The following POU6F1 variants were observed in gnomAD, a reference collection of about 807,000 sequenced individuals.
The protein encoded by POU6F1 is POU domain, class 6, transcription factor 1.
POU6F1 carries 9 observed loss-of-function variants against 28.9 expected under a neutral mutation model. The observed-to-expected ratio is 0.31, with a 90% CI of 0.19 to 0.54. The LOEUF is 0.54. Among genes scored for constraint, POU6F1 ranks in the 20% least tolerant of loss-of-function variants. The pLI, the probability that POU6F1 is intolerant of heterozygous loss-of-function variation, is 0.94. For missense variants in POU6F1, 338 were observed against 426.1 expected, an observed-to-expected ratio of 0.79 and a Z score of 1.82; for synonymous variants, 173 against 171.1, an observed-to-expected ratio of 1.01 and a Z score of -0.09.
chr12:51,201,861 T>C (rs201488462), intron 3 of POU6F1: 1 of 34,334 alleles, frequency 2.9e-5, no homozygotes, highest in East Asian at 3.0e-4. Context: ...TATAGTTGTT[T>C]TTTTTTTTTT....
chr12:51,192,182 TG>T, intron 9 of POU6F1, 147 bp downstream of exon 9: 1 of 1,189,156 alleles, frequency 8.4e-7, no homozygotes, highest in Non-Finnish European at 1.2e-6. Context: ...TCAACAGGAA[TG>T]GGAATAAAAA....
intron 2 of POU6F1, among the ~76,000 whole-genome samples, chr12:51,205,200 C>G (rs368768719): frequency 1.3e-5 from 2 of 151,926 alleles, no homozygotes; most frequent in Non-Finnish European, 2.9e-5. Flanking sequence ...CCACCACGCC[C>G]GGCTAATTTT....
At chr12:51,207,988 A>C (rs888786963) in intron 1 of POU6F1, among the ~76,000 whole-genome samples, 5 of 152,126 alleles carry the variant, frequency 3.3e-5, no homozygotes, top group Non-Finnish European at 7.4e-5. Context: ...AATAAAGAAA[A>C]TAGGTTGGGC....
At chr12:51,195,830 T>C in intron 8 of POU6F1, 140 bp downstream of exon 8, 2 of 997,516 alleles carry the variant, frequency 2.0e-6, no homozygotes, top group Non-Finnish European at 2.9e-6. Flanking sequence ...CCTTCTACTC[T>C]GGGACCTCCC....
intron 1 of POU6F1, among the ~76,000 whole-genome samples, chr12:51,209,628 C>T (rs1167466177): frequency 1.3e-5 from 2 of 152,124 alleles, no homozygotes; most frequent in Non-Finnish European, 2.9e-5. Context: ...GCTTCCAATT[C>T]TTTGGGTATA....
At chr12:51,205,284 C>A (rs1943514524) in intron 2 of POU6F1, among the ~76,000 whole-genome samples, 1 of 152,128 alleles carries the variant, frequency 6.6e-6, no homozygotes, top group South Asian at 2.1e-4. Flanking sequence ...TCGTGATCCG[C>A]CCACCTCGGC....
chr12:51,214,086 G>T (rs1427625555), intron 1 of POU6F1, among the ~76,000 whole-genome samples: 1 of 151,868 alleles, frequency 6.6e-6, no homozygotes, highest in Admixed American at 6.6e-5. Flanking sequence ...AGGTTGCAGT[G>T]AGCCGAGATC....
rs1209714794 is a variant in POU6F1, at chr12:51,196,814, G to A, written c.960C>T (p.Thr320=). The A allele has an allele frequency of 1.2e-6, 2 of 1,613,990 alleles. No individual in the cohort carries two copies. Among genetic ancestry groups the A allele is most frequent in the Non-Finnish European group, 1.7e-6 (2 of 1,179,924 alleles). Residue 320 remains threonine (T), a synonymous_variant, in exon 7 of 11, where the codon ACC becomes ACT. Transcript: ENST00000333640. ...SMPGISSQIL[T]NAQGQVIGTL... is the part of the protein sequence containing the mutation. Reference sequence around the variant, plus strand: ...GGCCACTTGCCTGTCCCTGAGCATTGGTGAGGATCTGACTGCTGATCCCTG... The same window carrying A: ...GGCCACTTGCCTGTCCCTGAGCATTAGTGAGGATCTGACTGCTGATCCCTG...
At chr12:51,214,733 T>C (rs1365381084) in intron 1 of POU6F1, among the ~76,000 whole-genome samples, 3 of 149,832 alleles carry the variant, frequency 2.0e-5, no homozygotes, top group Non-Finnish European at 4.5e-5. Context: ...AGGTCAGGAG[T>C]TGGAGGGCAG....
intron 1 of POU6F1, among the ~76,000 whole-genome samples, chr12:51,210,677 G>C (rs551991251): frequency 6.6e-6 from 1 of 152,232 alleles, no homozygotes; most frequent in African/African-American, 2.4e-5. Context: ...TTGAGGACCT[G>C]GGTCCTCAGT....
At chr12:51,198,437 G>C in intron 5 of POU6F1, 113 bp downstream of exon 5, 1 of 398,256 alleles carries the variant, frequency 2.5e-6, no homozygotes, top group Admixed American at 4.4e-5. Context: ...CCAGACTCCA[G>C]GGCGGTTGCC....
Position 51,204,275 on chromosome 12 carries a change from C to T in POU6F1, c.142G>A (p.Gly48Ser), listed in dbSNP as rs370082516. The change falls in exon 3 of 11, where the codon GGT becomes AGT. Residue 48 changes from glycine (G) to serine (S), a missense_variant. Gly to Ser is a moderately conservative substitution (Grantham distance 56). Coordinates refer to ENST00000333640, the MANE Select transcript of POU6F1 (RefSeq NM_001330422.2). The stretch of plus-strand genomic sequence containing the variant: ...CTCTGGGAGCCCTCGGCGGCCACAC[C>T]CTCCAGTCCTTTGCTCTCTTCCTCA... ...PAEEESKGLEGVAAEGSQSGD... is the reference protein window; with the variant it reads ...PAEEESKGLESVAAEGSQSGD... The T allele has an allele frequency of 1.3e-5, 5 of 398,982 alleles. No homozygotes were observed. The highest frequency in any genetic ancestry group is 1.0e-4 in the African/African-American group (5 of 48,620). The allele number at this position is 398,982 out of a possible 1,614,324, so 24.7% of individuals were successfully genotyped here. A position where few individuals can be genotyped will look rare whatever the true frequency, so the allele number is the denominator to read the frequency against.
chr12:51,205,140 C>G (rs1056825965), intron 2 of POU6F1, among the ~76,000 whole-genome samples: 5 of 151,108 alleles, frequency 3.3e-5, no homozygotes, highest in African/African-American at 1.2e-4. Flanking sequence ...CCCGGGTTCA[C>G]GCCATTCTCC....
At chr12:51,201,130 A>G in intron 3 of POU6F1, among the ~76,000 whole-genome samples, 1 of 152,244 alleles carries the variant, frequency 6.6e-6, no homozygotes. Flanking sequence ...CGATATGGCC[A>G]AGAGTGGGAA....
chr12:51,206,433 A>T (rs1943623234), intron 2 of POU6F1, among the ~76,000 whole-genome samples: 1 of 151,110 alleles, frequency 6.6e-6, no homozygotes, highest in African/African-American at 2.4e-5. Flanking sequence ...AAAACAAACA[A>T]ACAAACAAAC....
intron 8 of POU6F1, among the ~76,000 whole-genome samples, chr12:51,193,310 G>A (rs993511111): frequency 8.5e-5 from 13 of 152,272 alleles, no homozygotes; most frequent in African/African-American, 3.1e-4. Context: ...AAATGTGGTC[G>A]GGCGCGGTGG....
At chr12:51,213,259 CTTG>C (rs1944121670) in intron 1 of POU6F1, among the ~76,000 whole-genome samples, 1 of 151,658 alleles carries the variant, frequency 6.6e-6, no homozygotes, top group Admixed American at 6.6e-5. Flanking sequence ...TTATGTGGTG[CTTG>C]TTCCCAGGGA....
rs1023891596 is a variant in POU6F1 at position 51,217,463 on chromosome 12, CCCCGCCGCCCCGGCCCAGCAT to C, written c.-48+158_-48+178del. 1.3e-4 allele frequency among the ~76,000 whole-genome samples: 20 copies of C among 152,070 alleles called. No homozygotes were observed. Among genetic ancestry groups the C allele is most frequent in the Admixed American group, 3.3e-4 (5 of 15,274 alleles). On this transcript the variant is annotated intron_variant, in intron 1 of 10. Coordinates refer to ENST00000333640, the MANE Select transcript of POU6F1 (RefSeq NM_001330422.2). The surrounding 1 kb of genome is among the most constrained non-coding windows in gnomAD (Gnocchi z 5.3). ...CGCGCGCTGTCCCGCTCCCGCAGCT[CCCCGCCGCCCCGGCCCAGCAT>C]CCCGCCGCCCCGGCCCCGCGGCTTT...
intron 8 of POU6F1, among the ~76,000 whole-genome samples, chr12:51,193,232 G>A (rs933460782): frequency 3.3e-5 from 5 of 152,198 alleles, no homozygotes; most frequent in Non-Finnish European, 7.3e-5. Flanking sequence ...GACAGACTGT[G>A]CAGCCATTAA....
Sources: gnomAD v4.1 joint callset for allele counts (sites outside exome capture counted in the v4.1 genomes callset) on GRCh38, gnomAD v4.1.1 for gene constraint, Gnocchi (gnomAD v3.1) non-coding constraint, MANE v1.5 for transcripts, NCBI Gene and HGNC (gene_info 2026-07-23, HGNC 2026-07-21) for gene names.